Variants in SORBS2 observed in about 807,000 individuals in gnomAD.
SORBS2 encodes the protein sorbin and SH3 domain-containing protein 2.
Under a neutral mutation model 97.7 loss-of-function variants are expected in SORBS2, and 46 were observed. The ratio of observed to expected loss-of-function variants is 0.47; its 90% CI spans 0.37 to 0.60. The LOEUF (loss-of-function observed/expected upper bound fraction) is 0.60, where lower values mean the gene tolerates loss of function less well. SORBS2 is among the 20% of genes least tolerant of loss of function. The pLI is 0.00. For missense variants in SORBS2, 1,316 were observed against 1,282.3 expected (o/e 1.03, Z -0.40); for synonymous variants, 476 against 473.4 (o/e 1.01, Z -0.07).
At chr4:185,597,290 C>T (rs532830361) in intron 12 of SORBS2, among the ~76,000 whole-genome samples, 2 of 152,232 alleles carry the variant, frequency 1.3e-5, no homozygotes, top group Non-Finnish European at 2.9e-5. Flanking sequence ...ATCGGGTCCC[C>T]TCAGGGATTC....
intron 1 of SORBS2, among the ~76,000 whole-genome samples, chr4:185,930,313 T>G (rs1399686958): frequency 6.6e-6 from 1 of 152,142 alleles, no homozygotes. Context: ...TTTGTTTTGT[T>G]TGAGATGGAG....
At chr4:185,786,940 A>G (rs572001945) in intron 1 of SORBS2, among the ~76,000 whole-genome samples, 1 of 130,016 alleles carries the variant, frequency 7.7e-6, no homozygotes, top group East Asian at 2.3e-4. Context: ...TCCAATCTGG[A>G]TGTTCATCCA....
chr4:185,715,651 C>T (rs6825669), intron 2 of SORBS2, among the ~76,000 whole-genome samples: 117,836 of 152,090 alleles, frequency 0.77, 47,058 homozygotes, highest in Non-Finnish European at 0.89. Context: ...CTTTATGTAG[C>T]GAGTAGAACA....
chr4:185,836,720 TATA>T (rs1450942038), intron 1 of SORBS2, among the ~76,000 whole-genome samples: 13 of 152,206 alleles, frequency 8.5e-5, no homozygotes, highest in Non-Finnish European at 4.4e-5. Flanking sequence ...ACTGTGTAAC[TATA>T]ATGTCAGTCA....
chr4:185,741,436 C>T (rs568408846), intron 2 of SORBS2, among the ~76,000 whole-genome samples: 3 of 127,602 alleles, frequency 2.4e-5, no homozygotes, highest in Non-Finnish European at 4.7e-5. Flanking sequence ...GGGAGTCTCG[C>T]TCTGTCGCCC....
intron 2 of SORBS2, chr4:185,773,653 C>T (rs1277811696): frequency 6.6e-6 from 1 of 152,244 alleles, no homozygotes; most frequent in Non-Finnish European, 1.5e-5. Flanking sequence ...GGATTAGGCT[C>T]ATTCTACTCC....
intron 2 of SORBS2, among the ~76,000 whole-genome samples, chr4:185,732,783 G>A (rs1403923738): frequency 2.6e-5 from 4 of 152,206 alleles, no homozygotes; most frequent in African/African-American, 7.2e-5. Context: ...CTGTGAGAGC[G>A]ATCTTATTTG....
At chr4:185,838,456 G>A (rs1287174698) in intron 1 of SORBS2, among the ~76,000 whole-genome samples, 2 of 152,204 alleles carry the variant, frequency 1.3e-5, no homozygotes, top group Admixed American at 6.5e-5. Context: ...GGGGGCTCAC[G>A]GAGGAGAGCC....
intron 1 of SORBS2, among the ~76,000 whole-genome samples, chr4:185,949,251 C>T (rs968934958): frequency 6.6e-6 from 1 of 152,148 alleles, no homozygotes; most frequent in African/African-American, 2.4e-5. Context: ...CAGGAGGCTG[C>T]TATGGTAGGC....
At chr4:185,799,163 G>C (rs1306117770) in intron 1 of SORBS2, among the ~76,000 whole-genome samples, 5 of 152,176 alleles carry the variant, frequency 3.3e-5, no homozygotes, top group African/African-American at 1.2e-4. Flanking sequence ...TCTAAACCTA[G>C]TTTTCTGGAA....
At chr4:185,805,229 CTATATA>C in intron 1 of SORBS2, among the ~76,000 whole-genome samples, 1 of 151,350 alleles carries the variant, frequency 6.6e-6, no homozygotes, top group Non-Finnish European at 1.5e-5. Context: ...ACCAGGAAGA[CTATATA>C]TATATATATG....
At chr4:185,806,602 C>G (rs11132354) in intron 1 of SORBS2, among the ~76,000 whole-genome samples, 1 of 148,544 alleles carries the variant, frequency 6.7e-6, no homozygotes, top group Non-Finnish European at 1.5e-5. Flanking sequence ...GGACTACAGG[C>G]GCCCGCCACT....
chr4:185,591,108 T>C (rs966188396), intron 13 of SORBS2, among the ~76,000 whole-genome samples: 9 of 152,178 alleles, frequency 5.9e-5, no homozygotes, highest in Non-Finnish European at 1.0e-4. Context: ...TCAAATCTTA[T>C]GTCATTAATA....
At chr4:185,758,755 G>C (rs980882624) in intron 2 of SORBS2, among the ~76,000 whole-genome samples, 12 of 152,108 alleles carry the variant, frequency 7.9e-5, no homozygotes, top group Non-Finnish European at 1.6e-4. Context: ...TGGCCTCCTT[G>C]CTGTGCCTCA....
At chr4:185,613,648 A>AC (rs2096580271) in intron 11 of SORBS2, among the ~76,000 whole-genome samples, 1 of 70,688 alleles carries the variant, frequency 1.4e-5, no homozygotes, top group East Asian at 3.1e-4. Flanking sequence ...CTCCATCTCA[A>AC]AAAAAAAAAA....
At chr4:185,871,474 G>A (rs1057456313) in intron 1 of SORBS2, among the ~76,000 whole-genome samples, 1 of 152,186 alleles carries the variant, frequency 6.6e-6, no homozygotes. Context: ...AATGCCTAGC[G>A]AAGGAATAAA....
chr4:185,758,209 A>G (rs1018034814), intron 2 of SORBS2, among the ~76,000 whole-genome samples: 2 of 152,240 alleles, frequency 1.3e-5, no homozygotes, highest in African/African-American at 2.4e-5. Context: ...TTAAAATTAA[A>G]TATCATGCGA....
chr4:185,649,790 C>T, intron 2 of SORBS2, 134 bp from the exon 12 acceptor site: 2 of 453,734 alleles, frequency 4.4e-6, no homozygotes, highest in East Asian at 3.5e-5. Context: ...ATTCATAATG[C>T]ATACATTAGA....
intron 2 of SORBS2, among the ~76,000 whole-genome samples, chr4:185,683,287 A>T (rs2097901706): frequency 1.3e-5 from 2 of 151,806 alleles, no homozygotes; most frequent in South Asian, 4.2e-4. Context: ...TATGAAGTCG[A>T]GTTATATGAA....
Sources: allele counts gnomAD v4.1 joint callset (sites outside exome capture counted in the v4.1 genomes callset), GRCh38; gene constraint gnomAD v4.1.1; transcripts MANE v1.5; gene names NCBI Gene and HGNC (gene_info 2026-07-23, HGNC 2026-07-21).